COLEC12: variants seen among roughly 807,000 people sequenced by gnomAD.
COLEC12 encodes collectin-12.
Under a neutral mutation model 71.1 loss-of-function variants are expected in COLEC12, and 33 were observed. That is an observed-to-expected ratio of 0.46 (90% CI 0.35 to 0.62). COLEC12 has a LOEUF of 0.62. COLEC12 is among the 20% of genes least tolerant of loss of function. COLEC12 has a pLI of 0.00. For missense variants in COLEC12, 765 were observed against 916.1 expected (o/e 0.84, Z 2.13); for synonymous variants, 350 against 353.0 (o/e 0.99, Z 0.10).
chr18:392,997 A>C (rs1296144555), intron 2 of COLEC12, among the ~76,000 whole-genome samples: 1 of 152,250 alleles, frequency 6.6e-6, no homozygotes, highest in Non-Finnish European at 1.5e-5. Context: ...CTGTTGTAAG[A>C]AATAATATTC....
At chr18:497,383 GGTGTGTGTGTGT>G (rs10689788) in intron 1 of COLEC12, among the ~76,000 whole-genome samples, 333 of 147,158 alleles carry the variant, frequency 2.3e-3, no homozygotes, top group African/African-American at 6.3e-3. Context: ...TAAAGAATGG[GGTGTGTGTGTGT>G]GTGTGTGTGT....
chr18:323,094 A>C (rs559298695), intron 8 of COLEC12, among the ~76,000 whole-genome samples: 1 of 152,152 alleles, frequency 6.6e-6, no homozygotes, highest in African/African-American at 2.4e-5. Flanking sequence ...GCATGGTGGC[A>C]GGCACCTGTA....
chr18:452,208 CCTTGTGCT>C (rs1916776620), intron 2 of COLEC12, among the ~76,000 whole-genome samples: 2 of 152,128 alleles, frequency 1.3e-5, no homozygotes, highest in African/African-American at 4.8e-5. Flanking sequence ...GAATTGTGCA[CCTTGTGCT>C]CAATATATGA....
At chr18:451,753 A>T (rs1456580224) in intron 2 of COLEC12, among the ~76,000 whole-genome samples, 1 of 152,098 alleles carries the variant, frequency 6.6e-6, no homozygotes, top group African/African-American at 2.4e-5. Context: ...TCTCAAAAAA[A>T]AAAAGAAATG....
chr18:426,471 A>G (rs1916201842), intron 2 of COLEC12, among the ~76,000 whole-genome samples: 1 of 152,182 alleles, frequency 6.6e-6, no homozygotes, highest in Non-Finnish European at 1.5e-5. Context: ...GTGCAGTGGA[A>G]GCGCAGTTGC....
At chr18:320,881 C>T (rs1913686673) in intron 9 of COLEC12, among the ~76,000 whole-genome samples, 1 of 152,170 alleles carries the variant, frequency 6.6e-6, no homozygotes, top group Admixed American at 6.5e-5. Flanking sequence ...AAGAAAATCT[C>T]CAAAAGCTGC....
At chr18:372,673 C>T (rs1915026528) in intron 2 of COLEC12, among the ~76,000 whole-genome samples, 1 of 152,212 alleles carries the variant, frequency 6.6e-6, no homozygotes, top group South Asian at 2.1e-4. Flanking sequence ...CTGCCTCGGC[C>T]TCCCAAAGTG....
In COLEC12 at chr18:324,632, C is replaced by T. The variant is rs368193639; in HGVS notation, c.2064-2825G>A. Among the ~76,000 whole-genome samples, 14 of 152,238 alleles carry T rather than the reference C, an allele frequency of 9.2e-5. No homozygotes were observed. In the East Asian group the frequency reaches 2.5e-3, roughly 27 times the overall value. ...TCACCTGAGGTCAGGAGTTCAAGAC[C>T]AGTCTGGCCAACATGGCGAAACCCC... On this transcript the variant is annotated intron_variant, in intron 8 of 9. Coordinates refer to ENST00000400256, the MANE Select transcript of COLEC12 (RefSeq NM_130386.3).
At chr18:440,622 C>T (rs1486800652) in intron 2 of COLEC12, among the ~76,000 whole-genome samples, 1 of 152,136 alleles carries the variant, frequency 6.6e-6, no homozygotes, top group African/African-American at 2.4e-5. Context: ...CCAGGATGCC[C>T]TGGGATGCCA....
intron 1 of COLEC12, among the ~76,000 whole-genome samples, chr18:499,242 G>A (rs1000354865): frequency 3.3e-5 from 5 of 152,204 alleles, no homozygotes; most frequent in Non-Finnish European, 7.3e-5. Flanking sequence ...TAGGTAGGCA[G>A]TTGTATCGTG....
At chr18:389,849 T>C (rs114372063) in intron 2 of COLEC12, among the ~76,000 whole-genome samples, 124 of 152,318 alleles carry the variant, frequency 8.1e-4, no homozygotes, top group African/African-American at 2.9e-3. Context: ...TAGTAGTCTC[T>C]GAGCCCAACC....
In COLEC12 at chr18:500,603, C is replaced by G; in HGVS notation, c.-89G>C. ...TCGTCCCGAGCGGCTGCTCACCGCA[C>G]GCCCATGGTAGCCGCGCCGCGCGCC... On this transcript the variant is annotated 5_prime_UTR_variant, in exon 1 of 10. Coordinates refer to ENST00000400256, the MANE Select transcript of COLEC12 (RefSeq NM_130386.3). The surrounding 1 kb of genome is among the most constrained non-coding windows in gnomAD (Gnocchi z 5.3). 1 of 1,090,602 alleles carries G rather than the reference C, an allele frequency of 9.2e-7. No homozygotes were observed. Among genetic ancestry groups the G allele is most frequent in the Non-Finnish European group, 1.1e-6 (1 of 869,992 alleles). The allele number at this position is 1,090,602 out of a possible 1,614,324, so 67.6% of individuals were successfully genotyped here.
chr18:500,528 A>G lies in COLEC12; in HGVS notation c.-14T>C. On this transcript the variant is annotated 5_prime_UTR_variant, in exon 1 of 10. Coordinates refer to ENST00000400256, the MANE Select transcript of COLEC12 (RefSeq NM_130386.3). The surrounding 1 kb of genome is among the most constrained non-coding windows in gnomAD (Gnocchi z 5.3). ...CCTACCTTTCATGGTGACCGTGGGG[A>G]CGCACCGCCGGCCGGGGAGCTCCGC... is the stretch of plus-strand genomic sequence containing the variant. 2.4e-6 allele frequency: 3 copies of G among 1,225,724 alleles called. No homozygotes were observed. Among genetic ancestry groups the G allele is most frequent in the South Asian group, 7.7e-5 (2 of 25,886 alleles). 75.9% of individuals were successfully genotyped at this position (1,225,724 alleles called of 1,614,324 possible).
At chr18:368,802 C>G (rs891890043) in intron 2 of COLEC12, among the ~76,000 whole-genome samples, 9 of 152,204 alleles carry the variant, frequency 5.9e-5, no homozygotes, top group Admixed American at 2.0e-4. Flanking sequence ...GGAGGCGGAG[C>G]TTGCAGTGAG....
chr18:500,349 C>T lies in COLEC12; in HGVS notation c.7+159G>A, dbSNP rs937215804. Among the ~76,000 whole-genome samples the T allele has an allele frequency of 6.6e-6, 1 of 152,018 alleles. No homozygotes were observed. Among genetic ancestry groups the T allele is most frequent in the South Asian group, 2.1e-4 (1 of 4,818 alleles). On this transcript the variant is annotated intron_variant, in intron 1 of 9. Transcript: ENST00000400256. This position sits in a 1 kb window ranked among gnomAD's most constrained non-coding sequence, Gnocchi z 5.3. ...GCGCCTGACCCGGGAGCCGGGTGCG[C>T]CCCCAGTGTCCGCGCACGAACCCGG...
intron 2 of COLEC12, among the ~76,000 whole-genome samples, chr18:395,159 CAG>C (rs1915543448): frequency 6.6e-6 from 1 of 152,198 alleles, no homozygotes; most frequent in African/African-American, 2.4e-5. Flanking sequence ...TGGAAGAATG[CAG>C]CAGAAATTTA....
At chr18:357,218 G>A (rs1914646032) in intron 3 of COLEC12, among the ~76,000 whole-genome samples, 182 bp downstream of exon 3, 1 of 152,174 alleles carries the variant, frequency 6.6e-6, no homozygotes, top group African/African-American at 2.4e-5. Flanking sequence ...GAATTACTAT[G>A]TCCCCCCTTT....
chr18:450,194 T>G (rs1916732654), intron 2 of COLEC12, among the ~76,000 whole-genome samples: 1 of 152,202 alleles, frequency 6.6e-6, no homozygotes, highest in South Asian at 2.1e-4. Flanking sequence ...CACCACACTC[T>G]TTTGGTTCTC....
chr18:486,666 G>A (rs1316288155), intron 1 of COLEC12, among the ~76,000 whole-genome samples: 3 of 152,220 alleles, frequency 2.0e-5, no homozygotes, highest in Non-Finnish European at 4.4e-5. Context: ...ACTGAAGCCT[G>A]TGCTAGCAGC....
Sources: allele counts gnomAD v4.1 joint callset (sites outside exome capture counted in the v4.1 genomes callset), GRCh38; gene constraint gnomAD v4.1.1; non-coding constraint Gnocchi (gnomAD v3.1); transcripts MANE v1.5; gene names NCBI Gene and HGNC (gene_info 2026-07-23, HGNC 2026-07-21).